PHF21B: variants seen among roughly 807,000 people sequenced by gnomAD.
The protein encoded by PHF21B is PHD finger protein 21B, also known as PHD finger protein 4.
Under a neutral mutation model 62.2 loss-of-function variants are expected in PHF21B, and 22 were observed. The ratio of observed to expected loss-of-function variants is 0.35; its 90% CI spans 0.25 to 0.51. The LOEUF (loss-of-function observed/expected upper bound fraction) is 0.51. PHF21B is among the 20% of genes least tolerant of loss of function. PHF21B has a pLI of 0.97. For missense variants in PHF21B, 701 were observed against 707.9 expected, an observed-to-expected ratio of 0.99 and a Z score of 0.11; for synonymous variants, 341 against 314.7, an observed-to-expected ratio of 1.08 and a Z score of -0.88.
chr22:44,949,234 G>A (rs2072141363), intron 2 of PHF21B, among the ~76,000 whole-genome samples: 1 of 150,828 alleles, frequency 6.6e-6, no homozygotes, highest in African/African-American at 2.4e-5. Context: ...CTGGGAGGCG[G>A]AGGTTGCGGT....
rs539889824 is a variant in PHF21B at position 44,945,906 on chromosome 22, T to C, written c.121-25416A>G. On this transcript the variant is annotated intron_variant, in intron 2 of 12. Coordinates refer to ENST00000313237, the MANE Select transcript of PHF21B (RefSeq NM_138415.5). ...TGGGGAAGATGCTACCATCCCCTCCTGAGGATGACCTCAGGGCCACCCGTG... is the reference window on the plus strand; with the variant it reads ...TGGGGAAGATGCTACCATCCCCTCCCGAGGATGACCTCAGGGCCACCCGTG... 2.6e-5 allele frequency among the ~76,000 whole-genome samples: 4 copies of C among 152,242 alleles called. No individual in the cohort carries two copies. The East Asian group carries it at 7.7e-4, about 29-fold the overall frequency.
chr22:44,883,435 A>T, intron 12 of PHF21B, 131 bp from the exon 13 acceptor site: 1 of 808,432 alleles, frequency 1.2e-6, no homozygotes, highest in Non-Finnish European at 1.9e-6. Context: ...GGCTTCACAA[A>T]AACCAGGCAG....
rs528607122 is a variant in PHF21B, at chr22:44,882,775, C to T, written c.*311G>A. ...CCCCTCCAACGGGCCAGAGGGAGGC[C>T]GTGGAGAGCAGGGCCTGGAAGCCAG... On this transcript the variant is annotated 3_prime_UTR_variant, in exon 13 of 13. Transcript: ENST00000313237. 10 of 317,230 alleles carry T rather than the reference C, an allele frequency of 3.2e-5. No individual in the cohort carries two copies. The highest frequency in any genetic ancestry group is 8.7e-5 in the African/African-American group (4 of 46,236). The allele number at this position is 317,230 out of a possible 1,614,324, so 19.7% of individuals were successfully genotyped here.
chr22:44,926,942 GTTC>G (rs1487948896), intron 2 of PHF21B, among the ~76,000 whole-genome samples: 15 of 152,142 alleles, frequency 9.9e-5, no homozygotes, highest in South Asian at 2.1e-4. Flanking sequence ...TTCCACACGA[GTTC>G]TTCTCGGGAG....
intron 2 of PHF21B, among the ~76,000 whole-genome samples, chr22:44,932,616 C>T (rs1346484913): frequency 6.6e-6 from 1 of 152,260 alleles, no homozygotes; most frequent in Non-Finnish European, 1.5e-5. Context: ...GCTTCATCAT[C>T]CCCACCTCCG....
chr22:44,981,703 C>T (rs1316953714), intron 2 of PHF21B, among the ~76,000 whole-genome samples: 2 of 152,216 alleles, frequency 1.3e-5, no homozygotes, highest in African/African-American at 2.4e-5. Flanking sequence ...GGAGGGGACA[C>T]TGGCTTTTCT....
At chr22:44,910,437 C>T (rs551650549) in intron 5 of PHF21B, among the ~76,000 whole-genome samples, 2 of 152,236 alleles carry the variant, frequency 1.3e-5, no homozygotes, top group African/African-American at 4.8e-5. Context: ...TTGGTTGTGT[C>T]CCCATCCAAA....
intron 4 of PHF21B, among the ~76,000 whole-genome samples, chr22:44,914,665 T>C (rs2071403527): frequency 1.3e-5 from 2 of 152,150 alleles, no homozygotes; most frequent in South Asian, 2.1e-4. Context: ...GGGAATAACA[T>C]TCTATTTTTT....
intron 3 of PHF21B, among the ~76,000 whole-genome samples, chr22:44,916,960 T>C (rs2071447368): frequency 6.6e-6 from 1 of 152,240 alleles, no homozygotes; most frequent in East Asian, 1.9e-4. Flanking sequence ...TGTGACGCCC[T>C]GCAGATCAAG....
chr22:44,916,485 A>G lies in PHF21B; in HGVS notation c.359T>C (p.Val120Ala). Residue 120 changes from valine to alanine, a missense_variant, in exon 4 of 13, where the codon GTC becomes GCC. Val to Ala is a moderately conservative substitution (Grantham distance 64). Transcript: ENST00000313237. ...SPALPTANNT[V>A]SHVPAPGSQP... ...GCTGCCGGGCGCTGGCACATGGCTG[A>G]CAGTGTTGTTGGCGGTGGGGAGGGC... The G allele has an allele frequency of 6.2e-7, 1 of 1,607,132 alleles. No individual in the cohort carries two copies. Among genetic ancestry groups the G allele is most frequent in the Middle Eastern group, 1.7e-4 (1 of 6,044 alleles).
intron 2 of PHF21B, among the ~76,000 whole-genome samples, chr22:44,958,409 G>A (rs1444168925): frequency 1.3e-5 from 2 of 152,174 alleles, no homozygotes; most frequent in South Asian, 4.1e-4. Context: ...CCGGAGGCCT[G>A]TGTCCTTCGA....
chr22:44,894,197 C>A (rs1035034724), intron 6 of PHF21B, among the ~76,000 whole-genome samples: 1 of 152,154 alleles, frequency 6.6e-6, no homozygotes, highest in Non-Finnish European at 1.5e-5. Flanking sequence ...GCACTCAGAC[C>A]TTCTGTGGAA....
intron 2 of PHF21B, among the ~76,000 whole-genome samples, chr22:44,991,031 C>T (rs1011413539): frequency 6.6e-6 from 1 of 152,230 alleles, no homozygotes; most frequent in African/African-American, 2.4e-5. Context: ...ATCAAAGCCC[C>T]GCCCTGCCCA....
chr22:44,936,189 G>A (rs2147351452), intron 2 of PHF21B, among the ~76,000 whole-genome samples: 1 of 152,322 alleles, frequency 6.6e-6, no homozygotes. Flanking sequence ...GCCCCCTCCC[G>A]GGAGAGCTAC....
At chr22:44,907,962 C>T (rs1276899477) in intron 5 of PHF21B, among the ~76,000 whole-genome samples, 3 of 152,160 alleles carry the variant, frequency 2.0e-5, no homozygotes, top group Non-Finnish European at 4.4e-5. Context: ...GTGAGGCCAG[C>T]CTTGTGGCCC....
At chr22:44,888,398 A>C (rs2070898474) in intron 9 of PHF21B, among the ~76,000 whole-genome samples, 1 of 152,128 alleles carries the variant, frequency 6.6e-6, no homozygotes, top group Non-Finnish European at 1.5e-5. Context: ...TGACTCCCAT[A>C]ACCTGATTCT....
At chr22:44,883,347 T>G (rs2070772204) in intron 12 of PHF21B, 43 bp from the exon 13 acceptor site, 1 of 1,578,218 alleles carries the variant, frequency 6.3e-7, no homozygotes, top group East Asian at 2.3e-5. Flanking sequence ...AGTATTCGGC[T>G]CTACAGCCAT....
chr22:44,885,439 G>A lies in PHF21B; in HGVS notation c.1364C>T (p.Ala455Val), dbSNP rs753448825. The change falls in exon 12 of 13, where the codon GCG becomes GTG. Residue 455 changes from alanine to valine, a missense_variant. Coordinates refer to ENST00000313237, the MANE Select transcript of PHF21B (RefSeq NM_138415.5). ...CCCGGGGCACACCTGCACTGCTGAC[G>A]CCAGCCGCCGGTCCCGCTCCTCCAG... ...QQLEERDRRL[A>V]SAVQKCLELK... The A allele has an allele frequency of 8.9e-6, 14 of 1,578,982 alleles. No individual in the cohort carries two copies. Among genetic ancestry groups the A allele is most frequent in the Middle Eastern group, 2.1e-4 (1 of 4,742 alleles).
Position 44,885,433 on chromosome 22 carries a change from G to A in PHF21B, c.1370C>T (p.Ala457Val), listed in dbSNP as rs2070839290. 24 of 1,577,166 alleles carry A rather than the reference G, an allele frequency of 1.5e-5. No homozygotes were observed. Among genetic ancestry groups the A allele is most frequent in the Non-Finnish European group, 2.0e-5 (23 of 1,163,930 alleles). The stretch of plus-strand genomic sequence containing the variant: ...CCAGGCCCCGGGGCACACCTGCACT[G>A]CTGACGCCAGCCGCCGGTCCCGCTC... ...LEERDRRLAS[A>V]VQKCLELKTS... Residue 457 changes from alanine (A) to valine (V), a missense_variant, in exon 12 of 13, where the codon GCA (alanine) becomes GTA (valine). Ala to Val is a moderately conservative substitution (Grantham distance 64). Transcript: ENST00000313237.
Sources: allele counts gnomAD v4.1 joint callset (sites outside exome capture counted in the v4.1 genomes callset), GRCh38; gene constraint gnomAD v4.1.1; transcripts MANE v1.5; gene names NCBI Gene and HGNC (gene_info 2026-07-23, HGNC 2026-07-21).